Variants in STEAP2 observed in about 807,000 individuals in gnomAD.
STEAP2 encodes metalloreductase STEAP2.
Under a neutral mutation model 46.4 loss-of-function variants are expected in STEAP2, and 30 were observed. The observed-to-expected ratio is 0.65, with a 90% confidence interval of 0.48 to 0.88. STEAP2 has a LOEUF of 0.88. Among genes scored for constraint, STEAP2 ranks in the 40% least tolerant of loss-of-function variants. The pLI is 0.00. For missense variants in STEAP2, 513 were observed against 579.3 expected, an observed-to-expected ratio of 0.89 and a Z score of 1.18; for synonymous variants, 180 against 200.5, an observed-to-expected ratio of 0.90 and a Z score of 0.86.
rs1795802253 is a variant in STEAP2 at position 90,232,539 on chromosome 7, A to C, written c.1388A>C (p.Lys463Thr). The stretch of plus-strand genomic sequence containing the variant: ...AGCCGAAAGCTAAAACGAATTAAAA[A>C]AGGCTGGGAAAAGAGCCAATTTCTG... ...CISRKLKRIK[K>T]GWEKSQFLEE... The change falls in exon 6 of 6, where the codon AAA becomes ACA. Residue 463 changes from lysine (K) to threonine (T), a missense_variant. Transcript: ENST00000394621. The C allele has an allele frequency of 6.2e-7, 1 of 1,613,734 alleles. No homozygotes were observed. Among genetic ancestry groups the C allele is most frequent in the East Asian group, 2.2e-5 (1 of 44,884 alleles).
At chr7:90,212,303 C>T (rs1479676116) in intron 1 of STEAP2, 1 of 152,556 alleles carries the variant, frequency 6.6e-6, no homozygotes, top group Non-Finnish European at 1.5e-5. Context: ...GAGGTTGGGC[C>T]CAGGAGAAAG....
At position 90,234,795 on chromosome 7, in the gene STEAP2, C is replaced by A. The variant is rs17866305; in HGVS notation, c.*2171C>A. On this transcript the variant is annotated 3_prime_UTR_variant, in exon 6 of 6. Coordinates refer to ENST00000394621, the MANE Select transcript of STEAP2 (RefSeq NM_001244944.2). ...GTCTCGATCTCCTGACCTCGTGATCCGCCCGCCTTGGCCTCCAAAGTGCTG... is the reference window on the plus strand; with the variant it reads ...GTCTCGATCTCCTGACCTCGTGATCAGCCCGCCTTGGCCTCCAAAGTGCTG... 4.8e-5 allele frequency: 39 copies of A among 812,534 alleles called. No individual in the cohort carries two copies. Among genetic ancestry groups the A allele is most frequent in the Non-Finnish European group, 5.8e-5 (39 of 672,818 alleles). The allele number at this position is 812,534 out of a possible 1,614,324, so 50.3% of individuals were successfully genotyped here.
intron 4 of STEAP2, among the ~76,000 whole-genome samples, chr7:90,229,088 C>T (rs1299967568): frequency 6.6e-6 from 1 of 151,996 alleles, no homozygotes; most frequent in Admixed American, 6.6e-5. Flanking sequence ...TGAAGGAGTC[C>T]AATACTTGAT....
Position 90,211,841 on chromosome 7 carries a change from TTC to T in STEAP2, c.-348_-347del, listed in dbSNP as rs1318323741. 1 of 152,500 alleles carries T rather than the reference TTC, an allele frequency of 6.6e-6. No homozygotes were observed. Among genetic ancestry groups the T allele is most frequent in the Non-Finnish European group, 1.5e-5 (1 of 68,278 alleles). 9.4% of individuals were successfully genotyped at this position (152,500 alleles called of 1,614,324 possible). ...GGCCTCCGCGCGCCTCCCTCCTTCCTTCTCCCCTGGCTGTTCGCGATCCAGCT... is the reference window on the plus strand; with the variant it reads ...GGCCTCCGCGCGCCTCCCTCCTTCCTTCCCCTGGCTGTTCGCGATCCAGCT... On this transcript the variant is annotated 5_prime_UTR_variant, in exon 1 of 6. Coordinates refer to ENST00000394621, the MANE Select transcript of STEAP2 (RefSeq NM_001244944.2).
Position 90,234,092 on chromosome 7 carries a change from G to T in STEAP2, c.*1468G>T, listed in dbSNP as rs958203112. The stretch of plus-strand genomic sequence containing the variant: ...TAGTCTTCTCCTTTTCTCTTCCTGA[G>T]AAGTTCTCCTGCCTGCATAACCATT... On this transcript the variant is annotated 3_prime_UTR_variant, in exon 6 of 6. Coordinates refer to ENST00000394621, the MANE Select transcript of STEAP2 (RefSeq NM_001244944.2). 11 of 985,244 alleles carry T rather than the reference G, an allele frequency of 1.1e-5. No individual in the cohort carries two copies. The highest frequency in any genetic ancestry group is 1.3e-5 in the Non-Finnish European group (11 of 829,946). 61.0% of individuals were successfully genotyped at this position (985,244 alleles called of 1,614,324 possible). A position where few individuals can be genotyped will look rare whatever the true frequency, so the allele number is the denominator to read the frequency against.
intron 2 of STEAP2, among the ~76,000 whole-genome samples, chr7:90,219,365 A>G (rs1235885101): frequency 1.3e-5 from 2 of 152,104 alleles, no homozygotes; most frequent in Non-Finnish European, 2.9e-5. Context: ...GTTTCTGTTC[A>G]TAGAGGAAAG....
At chr7:90,223,729 C>T (rs1225187340) in intron 2 of STEAP2, among the ~76,000 whole-genome samples, 1 of 152,002 alleles carries the variant, frequency 6.6e-6, no homozygotes, top group Admixed American at 6.6e-5. Flanking sequence ...ATCCTTTTTC[C>T]ATAGGTAAGC....
In STEAP2 at chr7:90,236,868, T is replaced by G; in HGVS notation, c.*4244T>G. 6.2e-7 allele frequency: 1 copy of G among 1,613,432 alleles called. No homozygotes were observed. The highest frequency in any genetic ancestry group is 1.3e-5 in the African/African-American group (1 of 75,024). ...CCAAATTGCCAACTTTAAGGAAATA[T>G]TCTCTTGAAATTGTCTTTAAAGATC... On this transcript the variant is annotated 3_prime_UTR_variant, in exon 6 of 6. Transcript: ENST00000394621.
rs1795856368 is a variant in STEAP2 at position 90,233,809 on chromosome 7, C to T, written c.*1185C>T. 1.0e-6 allele frequency: 1 copy of T among 985,268 alleles called. No individual in the cohort carries two copies. Among genetic ancestry groups the T allele is most frequent in the Non-Finnish European group, 1.2e-6 (1 of 829,924 alleles). 61.0% of individuals were successfully genotyped at this position (985,268 alleles called of 1,614,324 possible). A position where few individuals can be genotyped will look rare whatever the true frequency, so the allele number is the denominator to read the frequency against. On this transcript the variant is annotated 3_prime_UTR_variant, in exon 6 of 6. Coordinates refer to ENST00000394621, the MANE Select transcript of STEAP2 (RefSeq NM_001244944.2). ...TATGCATTATGTTCACAATGCCAAT[C>T]TAGATGCTTCCTCTTTTGTATAAAG...
intron 5 of STEAP2, 150 bp from the exon 6 acceptor site, chr7:90,232,187 A>T: frequency 2.4e-6 from 2 of 835,956 alleles, no homozygotes; most frequent in Non-Finnish European, 3.2e-6. Context: ...AATATTATTT[A>T]ATTCAGTAGA....
Position 90,215,477 on chromosome 7 carries a change from T to C in STEAP2, c.-146-1014T>C, listed in dbSNP as rs529160865. ...CCTATCAAAATAATACATTCTCAAG[T>C]ATTAAATGTGTACAGCAAGTCAAAT... On this transcript the variant is annotated intron_variant, in intron 1 of 5. Transcript: ENST00000394621. 3.9e-5 allele frequency: 6 copies of C among 152,340 alleles called. No individual in the cohort carries two copies. The East Asian group carries it at 1.2e-3, about 29-fold the overall frequency. The allele number at this position is 152,340 out of a possible 1,614,324, so 9.4% of individuals were successfully genotyped here. A position where few individuals can be genotyped will look rare whatever the true frequency, so the allele number is the denominator to read the frequency against.
chr7:90,212,335 A>C (rs1794848678), intron 1 of STEAP2: 1 of 152,824 alleles, frequency 6.5e-6, no homozygotes, highest in Admixed American at 6.5e-5. Flanking sequence ...ACATTGTCCC[A>C]GGTAGGATGT....
At chr7:90,238,069 C>A (rs758506809), downstream of STEAP2, 105 of 717,414 alleles carry the variant, frequency 1.5e-4, 3 homozygotes, top group South Asian at 1.4e-3. Context: ...CATCCTCTTG[C>A]CTCTTCCTCA....
chr7:90,218,922 C>T (rs756635961), intron 2 of STEAP2, among the ~76,000 whole-genome samples: 6 of 151,894 alleles, frequency 4.0e-5, no homozygotes, highest in Admixed American at 6.6e-5. Context: ...TTTTTCCATT[C>T]GTTTATGTCA....
intron 5 of STEAP2, among the ~76,000 whole-genome samples, chr7:90,231,724 A>G (rs1243568956): frequency 1.3e-5 from 2 of 152,060 alleles, no homozygotes; most frequent in African/African-American, 2.4e-5. Context: ...GACTATATTT[A>G]TGTGTATGTG....
In STEAP2 at chr7:90,227,004, C is replaced by T. The variant is rs910318063; in HGVS notation, c.526C>T (p.Gln176Ter). 6 of 1,607,666 alleles carry T rather than the reference C, an allele frequency of 3.7e-6. No homozygotes were observed. In the African/African-American group the frequency reaches 5.4e-5, roughly 14 times the overall value. The change falls in exon 4 of 6, where the codon CAA (glutamine) becomes TAA (stop). Residue 176 changes from glutamine (Q) to a stop codon, truncating the protein, a stop_gained. Coordinates refer to ENST00000394621, the MANE Select transcript of STEAP2 (RefSeq NM_001244944.2). LOFTEE classifies it high-confidence loss of function. ...ATGCAGCAACAATATTCAAGCGCGA[C>T]AACAGGTTATTGAACTTGCCCGCCA... ...YICSNNIQAR[Q>*]QVIELARQLN...
chr7:90,217,931 C>G (rs1414813265), intron 2 of STEAP2, among the ~76,000 whole-genome samples: 2 of 152,170 alleles, frequency 1.3e-5, no homozygotes, highest in Admixed American at 6.6e-5. Context: ...TTGTCAGCAT[C>G]TGTCATTTTT....
At chr7:90,238,286 T>C (rs780041065), downstream of STEAP2, 2 of 580,596 alleles carry the variant, frequency 3.4e-6, no homozygotes, top group Non-Finnish European at 6.5e-6. Context: ...TGGAAATGCT[T>C]AGGTGCTAAT....
intron 1 of STEAP2, among the ~76,000 whole-genome samples, chr7:90,212,792 T>C (rs1301802383): frequency 6.6e-6 from 1 of 152,074 alleles, no homozygotes; most frequent in Non-Finnish European, 1.5e-5. Context: ...CTCATCAGTA[T>C]AGGAGAAAAA....
Sources: gnomAD v4.1 joint callset for allele counts (sites outside exome capture counted in the v4.1 genomes callset) on GRCh38, gnomAD v4.1.1 for gene constraint, MANE v1.5 for transcripts, NCBI Gene and HGNC (gene_info 2026-07-23, HGNC 2026-07-21) for gene names.